Variants in NPAT observed in about 807,000 individuals in gnomAD.
NPAT encodes protein NPAT.
In NPAT, 52 loss-of-function variants were observed where a neutral mutation model predicts 130.7. The ratio of observed to expected loss-of-function variants is 0.40; its 90% CI spans 0.32 to 0.50. The LOEUF (loss-of-function observed/expected upper bound fraction) is 0.50. Among genes scored for constraint, NPAT ranks in the 20% least tolerant of loss-of-function variants. The pLI is 0.68. For synonymous variants in NPAT, 580 were observed against 584.8 expected (o/e 0.99, Z 0.12); for missense variants, 1,687 against 1,662.6 (o/e 1.01, Z -0.26).
rs1293032339 is a variant in NPAT, at chr11:108,222,600, A to G, written c.-64T>C. The G allele has an allele frequency of 1.9e-6, 3 of 1,575,196 alleles. No homozygotes were observed. Among genetic ancestry groups the G allele is most frequent in the East Asian group, 2.3e-5 (1 of 44,434 alleles). On this transcript the variant is annotated 5_prime_UTR_variant, in exon 1 of 18. Coordinates refer to ENST00000278612, the MANE Select transcript of NPAT (RefSeq NM_002519.3). ...CTCAGGTTAAAGCAAACACAGCGAC[A>G]GCTCCTGCGCCGCATCTCCTGGTTC... is the stretch of plus-strand genomic sequence containing the variant.
rs1207478974 is a variant in NPAT, at chr11:108,157,583, TTG to T, written c.*1357_*1358del. 3.3e-4 allele frequency: 50 copies of T among 152,064 alleles called. No individual in the cohort carries two copies. The highest frequency in any genetic ancestry group is 1.1e-3 in the African/African-American group (46 of 41,432). 9.4% of individuals were successfully genotyped at this position (152,064 alleles called of 1,614,324 possible). A position where few individuals can be genotyped will look rare whatever the true frequency, so the allele number is the denominator to read the frequency against. On this transcript the variant is annotated 3_prime_UTR_variant, in exon 18 of 18. Coordinates refer to ENST00000278612, the MANE Select transcript of NPAT (RefSeq NM_002519.3). ...GACATGATTTCTACACTGAGAAATG[TTG>T]TGTTAAAGTTGGATGGATTTATTTT...
intron 13 of NPAT, chr11:108,171,957 T>C: frequency 5.8e-6 from 3 of 519,924 alleles, no homozygotes; most frequent in Non-Finnish European, 6.9e-6. Context: ...AGCACATAGA[T>C]TGAGAAGTAT....
At chr11:108,184,883 A>G (rs966959289) in intron 10 of NPAT, among the ~76,000 whole-genome samples, 2 of 152,172 alleles carry the variant, frequency 1.3e-5, no homozygotes, top group African/African-American at 4.8e-5. Context: ...ATTATTATAC[A>G]ATTTGTAGCA....
intron 15 of NPAT, among the ~76,000 whole-genome samples, chr11:108,162,530 A>G (rs530093884): frequency 1.2e-4 from 19 of 152,136 alleles, no homozygotes; most frequent in Non-Finnish European, 2.5e-4. Flanking sequence ...TCCTAGGTTC[A>G]AGCAATTCTC....
intron 1 of NPAT, among the ~76,000 whole-genome samples, chr11:108,206,869 T>C (rs1352682649): frequency 2.0e-5 from 3 of 152,200 alleles, no homozygotes; most frequent in Non-Finnish European, 2.9e-5. Context: ...GGGTAGCTCC[T>C]TTCCGTAGGC....
chr11:108,171,874 C>T (rs1453384226), intron 13 of NPAT: 3 of 238,184 alleles, frequency 1.3e-5, no homozygotes, highest in Non-Finnish European at 2.5e-5. Flanking sequence ...TTTTTAAAAA[C>T]TCCCCCACAA....
chr11:108,159,031 G>C lies in NPAT; in HGVS notation c.4207-12C>G. ...GGAAGCTTCTTTTTCTGTTGAAAAA[G>C]AGAAAGAAAAAATAAACTCAAAACA... On this transcript the variant is annotated splice_polypyrimidine_tract_variant and intron_variant, in intron 17 of 17. Coordinates refer to ENST00000278612, the MANE Select transcript of NPAT (RefSeq NM_002519.3). The C allele has an allele frequency of 5.7e-6, 9 of 1,585,034 alleles. No individual in the cohort carries two copies. Among genetic ancestry groups the C allele is most frequent in the Non-Finnish European group, 7.8e-6 (9 of 1,160,606 alleles).
At chr11:108,218,581 G>C (rs1335779193) in intron 1 of NPAT, among the ~76,000 whole-genome samples, 1 of 152,102 alleles carries the variant, frequency 6.6e-6, no homozygotes, top group East Asian at 1.9e-4. Context: ...TTTACTTGGA[G>C]ATAGAAGATA....
intron 1 of NPAT, among the ~76,000 whole-genome samples, chr11:108,204,362 C>G (rs1172665349): frequency 3.0e-5 from 4 of 135,426 alleles, no homozygotes; most frequent in Admixed American, 1.6e-4. Context: ...CCATAAAAAC[C>G]CTGGACTCAG....
Position 108,185,234 on chromosome 11 carries a change from G to T in NPAT, c.904C>A (p.Pro302Thr), listed in dbSNP as rs1168748678. 2 of 1,606,936 alleles carry T rather than the reference G, an allele frequency of 1.2e-6. 1 individual carries two copies. ...ATGCACACCCCAACCACCCATACCGGAAGTCCTAGGAATTCATCAATTGAA... is the reference window on the plus strand; with the variant it reads ...ATGCACACCCCAACCACCCATACCGTAAGTCCTAGGAATTCATCAATTGAA... ...ETSIDEFLGL[P>T]SEIHMSEEAI... is the part of the protein sequence containing the mutation. The change falls in exon 10 of 18, where the codon CCG (proline) becomes ACG (threonine). Residue 302 changes from proline (P) to threonine (T), a missense_variant and splice_region_variant. Pro to Thr is a conservative substitution (Grantham distance 38). This residue lies in a region of NPAT where 1,379 missense variants were observed against 1,346.6 expected (regional missense o/e 1.02). Transcript: ENST00000278612.
At position 108,173,532 on chromosome 11, in the gene NPAT, C is replaced by T. The variant is rs1253655068; in HGVS notation, c.1452G>A (p.Gly484=). The T allele has an allele frequency of 6.2e-7, 1 of 1,614,042 alleles. No individual in the cohort carries two copies. Among genetic ancestry groups the T allele is most frequent in the African/African-American group, 1.3e-5 (1 of 74,910 alleles). Residue 484 remains glycine, a synonymous_variant, in exon 13 of 18, where the codon GGG becomes GGA. Coordinates refer to ENST00000278612, the MANE Select transcript of NPAT (RefSeq NM_002519.3). ...QMSTETEMAI[G]IEKNSLSSNV... ...TTGAAGACAAAGAGTTCTTTTCAAT[C>T]CCTATAGCCATTTCAGTTTCAGTGG...
At chr11:108,221,485 G>T (rs1251198888) in intron 1 of NPAT, among the ~76,000 whole-genome samples, 1 of 152,290 alleles carries the variant, frequency 6.6e-6, no homozygotes, top group Admixed American at 6.5e-5. Flanking sequence ...AACCATTTCC[G>T]TTTAACGTTT....
intron 15 of NPAT, among the ~76,000 whole-genome samples, chr11:108,164,519 A>G (rs984699023): frequency 3.3e-5 from 5 of 152,238 alleles, no homozygotes; most frequent in Admixed American, 2.6e-4. Flanking sequence ...GAAAGAAGAC[A>G]CAAGTTCAGG....
Position 108,159,439 on chromosome 11 carries a change from T to C in NPAT, c.4207-420A>G, listed in dbSNP as rs369171737. On this transcript the variant is annotated intron_variant, in intron 17 of 17. Coordinates refer to ENST00000278612, the MANE Select transcript of NPAT (RefSeq NM_002519.3). ...TTTAGACTTCACAACCTAAGATACC[T>C]GGTAATATCATGTCAAGTGATGAGG... Among the ~76,000 whole-genome samples, 8 of 152,264 alleles carry C rather than the reference T, an allele frequency of 5.3e-5. 1 individual carries two copies. The South Asian group carries it at 1.7e-3, about 32-fold the overall frequency.
At chr11:108,160,626 T>C (rs1414129099) in intron 17 of NPAT, among the ~76,000 whole-genome samples, 2 of 152,230 alleles carry the variant, frequency 1.3e-5, no homozygotes, top group Non-Finnish European at 2.9e-5. Context: ...CTGAAAATGC[T>C]GTTTCACCTA....
intron 1 of NPAT, among the ~76,000 whole-genome samples, chr11:108,201,133 A>G (rs911584658): frequency 6.6e-6 from 1 of 152,202 alleles, no homozygotes; most frequent in Non-Finnish European, 1.5e-5. Context: ...AACAGAGGAT[A>G]TAAGGTCTCA....
At position 108,161,807 on chromosome 11, in the gene NPAT, G is replaced by C; in HGVS notation, c.3279C>G (p.Val1093=). 1.2e-6 allele frequency: 2 copies of C among 1,614,064 alleles called. No individual in the cohort carries two copies. Among genetic ancestry groups the C allele is most frequent in the East Asian group, 2.2e-5 (1 of 44,886 alleles). ...MVSQNKERNA[V]SFPNLDSPNV... Reference sequence around the variant, plus strand: ...TGGGTGAGTCAAGATTAGGAAAAGAGACTGCATTCCTTTCTTTGTTTTGGG... The same window carrying C: ...TGGGTGAGTCAAGATTAGGAAAAGACACTGCATTCCTTTCTTTGTTTTGGG... Residue 1093 remains valine (V), a synonymous_variant, in exon 17 of 18, where the codon GTC becomes GTG. Transcript: ENST00000278612.
At chr11:108,180,099 G>C (rs1282126015) in intron 10 of NPAT, among the ~76,000 whole-genome samples, 3 of 152,174 alleles carry the variant, frequency 2.0e-5, no homozygotes, top group Non-Finnish European at 4.4e-5. Context: ...GGCTGAAGTG[G>C]GGAGATCACT....
rs915010190 is a variant in NPAT, at chr11:108,157,466, T to C, written c.*1476A>G. ...AGCTGAGTTAAATAAACATTAACTA[T>C]ATGATATTTAGTTCCTTAGGAATAG... On this transcript the variant is annotated 3_prime_UTR_variant, in exon 18 of 18. Coordinates refer to ENST00000278612, the MANE Select transcript of NPAT (RefSeq NM_002519.3). The C allele has an allele frequency of 7.9e-5, 12 of 152,154 alleles. No individual in the cohort carries two copies. 9.4% of individuals were successfully genotyped at this position (152,154 alleles called of 1,614,324 possible). A position where few individuals can be genotyped will look rare whatever the true frequency, so the allele number is the denominator to read the frequency against.
Sources: allele counts gnomAD v4.1 joint callset (sites outside exome capture counted in the v4.1 genomes callset), GRCh38; gene constraint gnomAD v4.1.1; regional missense constraint gnomAD v4.1.1; transcripts MANE v1.5; gene names NCBI Gene and HGNC (gene_info 2026-07-23, HGNC 2026-07-21).